CR1: variants seen among roughly 807,000 people sequenced by gnomAD.
CR1 encodes the protein complement C3b/C4b receptor 1 (Knops blood group), also known as complement receptor type 1.
CR1 carries 116 observed loss-of-function variants against 187.3 expected under a neutral mutation model. The observed-to-expected ratio is 0.62, with a 90% CI of 0.53 to 0.72. CR1 has a LOEUF of 0.72. CR1 is among the 30% of genes least tolerant of loss of function. CR1 has a pLI of 0.00. For missense variants in CR1, 1,731 were observed against 2,110.7 expected (o/e 0.82, Z 3.52); for synonymous variants, 576 against 747.1 (o/e 0.77, Z 3.73).
chr1:207,601,743 T>A (rs1661611837), intron 35 of CR1, among the ~76,000 whole-genome samples: 1 of 152,202 alleles, frequency 6.6e-6, no homozygotes, highest in African/African-American at 2.4e-5. Flanking sequence ...TCATCCTTTG[T>A]CCATTTCGTA....
chr1:207,519,945 A>G (rs376714942), intron 4 of CR1, among the ~76,000 whole-genome samples: 2 of 152,368 alleles, frequency 1.3e-5, no homozygotes, highest in Middle Eastern at 3.4e-3. Flanking sequence ...TTCACTTGTT[A>G]TAGTTTGCAG....
chr1:207,509,181 C>A (rs1378004951), intron 3 of CR1, among the ~76,000 whole-genome samples: 1 of 152,170 alleles, frequency 6.6e-6, no homozygotes. Flanking sequence ...ATATCCCAGG[C>A]TTCACTGTCC....
chr1:207,616,370 T>C (rs986649914), intron 40 of CR1, among the ~76,000 whole-genome samples: 3 of 152,234 alleles, frequency 2.0e-5, no homozygotes, highest in Admixed American at 6.5e-5. Flanking sequence ...ACACTGTCTT[T>C]GGGCTTTTGC....
At chr1:207,609,242 T>C (rs902244943) in intron 36 of CR1, 48 bp from the exon 37 acceptor site, 3 of 1,457,688 alleles carry the variant, frequency 2.1e-6, no homozygotes, top group Admixed American at 4.7e-5. Context: ...AGTAAAATAA[T>C]TCATTATTAA....
intron 32 of CR1, among the ~76,000 whole-genome samples, chr1:207,582,493 A>T (rs1660987336): frequency 6.6e-6 from 1 of 152,234 alleles, no homozygotes; most frequent in Admixed American, 6.5e-5. Context: ...AAAGACAAAA[A>T]TCAAAGACAT....
rs571940911 is a variant in CR1, at chr1:207,622,746, CACTT to C, written c.7277-242_7277-239del. Among the ~76,000 whole-genome samples, 59 of 152,340 alleles carry C rather than the reference CACTT, an allele frequency of 3.9e-4. 1 individual carries two copies. Among genetic ancestry groups the C allele is most frequent in the African/African-American group, 1.3e-3 (56 of 41,572 alleles). On this transcript the variant is annotated intron_variant, in intron 44 of 46. Coordinates refer to ENST00000367049, the MANE Select transcript of CR1 (RefSeq NM_000651.6). The stretch of plus-strand genomic sequence containing the variant: ...TGGCCAGCTGCCCCATCACGGTTCT[CACTT>C]ACTTTTGGAAAAGCTGACATTGGAC...
chr1:207,573,060 G>A (rs972100756), intron 27 of CR1, among the ~76,000 whole-genome samples: 4 of 152,066 alleles, frequency 2.6e-5, no homozygotes, highest in African/African-American at 9.7e-5. Flanking sequence ...CACAGGGACT[G>A]GAGGTTAAGA....
chr1:207,609,300 T>C lies in CR1; in HGVS notation c.5907T>C (p.Cys1969=). 1.9e-6 allele frequency: 3 copies of C among 1,608,220 alleles called. No individual in the cohort carries two copies. The highest frequency in any genetic ancestry group is 1.7e-6 in the Non-Finnish European group (2 of 1,175,826). ...KKAPICEIIS[C]EPPPTISNGD... Reference sequence around the variant, plus strand: ...TCTTCCTTCTCTCAGTCATATCTTGTGAGCCACCTCCAACCATATCCAATG... The same window carrying C: ...TCTTCCTTCTCTCAGTCATATCTTGCGAGCCACCTCCAACCATATCCAATG... The change falls in exon 37 of 47, where the codon TGT becomes TGC. Residue 1969 remains cysteine, a synonymous_variant. Transcript: ENST00000367049.
At position 207,577,809 on chromosome 1, in the gene CR1, T is replaced by C; in HGVS notation, c.4542T>C (p.Ile1514=). The change falls in exon 29 of 47, where the codon ATT becomes ATC. Residue 1514 remains isoleucine (I), a synonymous_variant. Transcript: ENST00000367049. ...AACTTGCTGTCTCTTTTCCAGGAATTCCTTGTGGGCTACCCCCAACCATCG... is the reference window on the plus strand; with the variant it reads ...AACTTGCTGTCTCTTTTCCAGGAATCCCTTGTGGGCTACCCCCAACCATCG... ...WSTKPPICQR[I]PCGLPPTIAN... 6.2e-7 allele frequency: 1 copy of C among 1,613,798 alleles called. No individual in the cohort carries two copies. Among genetic ancestry groups the C allele is most frequent in the South Asian group, 1.1e-5 (1 of 91,072 alleles).
chr1:207,605,832 T>G (rs181141534), intron 35 of CR1: 3 of 152,302 alleles, frequency 2.0e-5, no homozygotes, highest in Non-Finnish European at 4.4e-5. Context: ...CTAAACAGGC[T>G]AGCAATAAGT....
Position 207,523,648 on chromosome 1 carries a change from A to T in CR1, c.525A>T (p.Gly175=), listed in dbSNP as rs1660066690. Residue 175 remains glycine (G), a synonymous_variant, in exon 5 of 47, where the codon GGA becomes GGT. Coordinates refer to ENST00000367049, the MANE Select transcript of CR1 (RefSeq NM_000651.6). ...GGCTACCCCCCACCATCACCAATGGAGATTTCATTAGCACCAACAGAGAGA... is the reference window on the plus strand; with the variant it reads ...GGCTACCCCCCACCATCACCAATGGTGATTTCATTAGCACCAACAGAGAGA... ...PCGLPPTITN[G]DFISTNRENF... The T allele has an allele frequency of 6.2e-7, 1 of 1,613,932 alleles. No homozygotes were observed. Among genetic ancestry groups the T allele is most frequent in the Admixed American group, 1.7e-5 (1 of 60,028 alleles).
intron 45 of CR1, among the ~76,000 whole-genome samples, chr1:207,629,351 T>C (rs763720337): frequency 6.6e-6 from 1 of 152,092 alleles, no homozygotes; most frequent in Non-Finnish European, 1.5e-5. Flanking sequence ...ATTCAACATA[T>C]ACTCACCGAG....
chr1:207,641,089 C>T lies in CR1; in HGVS notation c.*1680C>T, dbSNP rs935453581. 1 of 152,060 alleles carries T rather than the reference C, an allele frequency of 6.6e-6. No individual in the cohort carries two copies. Among genetic ancestry groups the T allele is most frequent in the Admixed American group, 6.5e-5 (1 of 15,268 alleles). The allele number at this position is 152,060 out of a possible 1,614,324, so 9.4% of individuals were successfully genotyped here. ...CAGCTAGGTCACCAAGAAAGAAGGG[C>T]AAATAGGTGGTGAGTATATGTAAAG... On this transcript the variant is annotated 3_prime_UTR_variant, in exon 47 of 47. Coordinates refer to ENST00000367049, the MANE Select transcript of CR1 (RefSeq NM_000651.6).
Position 207,623,046 on chromosome 1 carries a change from A to T in CR1, c.7330A>T (p.Ile2444Leu). 1 of 1,580,006 alleles carries T rather than the reference A, an allele frequency of 6.3e-7. No individual in the cohort carries two copies. Among genetic ancestry groups the T allele is most frequent in the East Asian group, 2.3e-5 (1 of 44,262 alleles). The change falls in exon 45 of 47, where the codon ATA becomes TTA. Residue 2444 changes from isoleucine to leucine, a missense_variant. By Grantham distance (5) the Ile-to-Leu change is conservative (BLOSUM62 2). Transcript: ENST00000367049. ...FILLIIFLSW[I>L]ILKHRKGNNA... ...TTTACTCATCATTTTCCTCTCTTGG[A>T]TAATTCTAAAGCACAGAAAAGGGTA...
In CR1 at chr1:207,520,331, C is replaced by T. The variant is rs1659935804; in HGVS notation, c.488-3280C>T. Among the ~76,000 whole-genome samples, 9 of 152,352 alleles carry T rather than the reference C, an allele frequency of 5.9e-5. No individual in the cohort carries two copies. In the South Asian group the frequency reaches 1.7e-3, roughly 28 times the overall value. On this transcript the variant is annotated intron_variant, in intron 4 of 46. Transcript: ENST00000367049. Reference sequence around the variant, plus strand: ...TAGCGTCCCTGACCTCTGTGCCCTGCATGGACTTCGCAGATATGCTGCCGT... The same window carrying T: ...TAGCGTCCCTGACCTCTGTGCCCTGTATGGACTTCGCAGATATGCTGCCGT...
intron 5 of CR1, among the ~76,000 whole-genome samples, chr1:207,526,190 C>A (rs974165542): frequency 4.6e-5 from 7 of 152,150 alleles, no homozygotes; most frequent in Admixed American, 2.6e-4. Context: ...TGCTACATAG[C>A]ATGAGGAGAG....
In CR1 at chr1:207,506,003, G is replaced by T. The variant is rs200913967; in HGVS notation, c.221G>T (p.Arg74Leu). 7 of 1,613,850 alleles carry T rather than the reference G, an allele frequency of 4.3e-6. No homozygotes were observed. Among genetic ancestry groups the T allele is most frequent in the Non-Finnish European group, 5.9e-6 (7 of 1,179,852 alleles). Residue 74 changes from arginine to leucine, a missense_variant, in exon 2 of 47, where the codon CGC becomes CTC. Arg to Leu is a moderately radical substitution (Grantham distance 102). Transcript: ENST00000367049. ...PIGTYLNYEC[R>L]PGYSGRPFSI... is the part of the protein sequence containing the mutation. ...GGGACATATCTGAACTATGAATGCC[G>T]CCCTGGTTATTCCGGAAGACCGTTT... is the stretch of plus-strand genomic sequence containing the variant.
At chr1:207,589,808 CT>C (rs748155232) in intron 35 of CR1, among the ~76,000 whole-genome samples, 8 of 152,142 alleles carry the variant, frequency 5.3e-5, no homozygotes, top group Non-Finnish European at 8.8e-5. Context: ...AGCACAAGAA[CT>C]TCATGAAGCA....
At chr1:207,589,844 G>A (rs1661219611) in intron 35 of CR1, among the ~76,000 whole-genome samples, 2 of 152,238 alleles carry the variant, frequency 1.3e-5, no homozygotes, top group Non-Finnish European at 2.9e-5. Context: ...TAGCCGAATC[G>A]ATCAAGTGAA....
Sources: gnomAD v4.1 joint callset for allele counts (sites outside exome capture counted in the v4.1 genomes callset) on GRCh38, gnomAD v4.1.1 for gene constraint, MANE v1.5 for transcripts, NCBI Gene and HGNC (gene_info 2026-07-23, HGNC 2026-07-21) for gene names.